CAST: variants seen among roughly 807,000 people sequenced by gnomAD.
The protein encoded by CAST is calpastatin.
Under a neutral mutation model 119.6 loss-of-function variants are expected in CAST, and 76 were observed. The ratio of observed to expected loss-of-function variants is 0.64; its 90% CI spans 0.53 to 0.77. The LOEUF is 0.77. Ranked by LOEUF, CAST falls within the 30% of genes least tolerant of loss-of-function variation. The probability of loss-of-function intolerance (pLI) is 0.00; values close to 1 mark genes in which losing one functional copy is unlikely to be tolerated. For missense variants in CAST, 953 were observed against 946.5 expected, an observed-to-expected ratio of 1.01 and a Z score of -0.09; for synonymous variants, 319 against 331.6, an observed-to-expected ratio of 0.96 and a Z score of 0.41.
At chr5:96,298,446 A>C in the CAST span, among the ~76,000 whole-genome samples, 2 of 152,348 alleles carry the variant, frequency 1.3e-5, no homozygotes, top group South Asian at 4.1e-4. Context: ...AGAATTCTGG[A>C]TGCAGAAAGG....
At chr5:96,278,036 A>G in the CAST span, among the ~76,000 whole-genome samples, 2 of 151,204 alleles carry the variant, frequency 1.3e-5, no homozygotes, top group African/African-American at 4.9e-5. Flanking sequence ...ATTAAAATAG[A>G]GTTTTTTTTT....
At chr5:96,765,370 T>C in intron 26 of CAST, 45 bp downstream of exon 26, 1 of 940,746 alleles carries the variant, frequency 1.1e-6, no homozygotes, top group Non-Finnish European at 1.7e-6. Context: ...AATAGTGAAA[T>C]TTTAATCCTT....
At chr5:96,511,434 AC>A in the CAST span, among the ~76,000 whole-genome samples, 48,441 of 151,936 alleles carry the variant, frequency 0.32, 8,073 homozygotes, top group Middle Eastern at 0.41. Flanking sequence ...GAGCCACTGC[AC>A]CCCATCCACA....
chr5:96,654,027 C>CTTT (rs71617134), intron 1 of CAST, among the ~76,000 whole-genome samples: 8 of 126,956 alleles, frequency 6.3e-5, no homozygotes, highest in African/African-American at 2.1e-4. Context: ...CTTTTCTTTT[C>CTTT]TTTTTTTTTT....
intron 4 of CAST, among the ~76,000 whole-genome samples, chr5:96,725,299 T>C (rs895349445): frequency 6.6e-6 from 1 of 152,196 alleles, no homozygotes; most frequent in South Asian, 2.1e-4. Flanking sequence ...GTGATAATAG[T>C]ACCTGCCTCA....
the CAST span, among the ~76,000 whole-genome samples, chr5:96,066,102 T>C: frequency 1.3e-5 from 2 of 152,192 alleles, no homozygotes; most frequent in Non-Finnish European, 2.9e-5. Flanking sequence ...AGAGAGAAGA[T>C]GAAAAACTGT....
intron 3 of CAST, among the ~76,000 whole-genome samples, chr5:96,711,800 AGTATCTTAGGACTGCT>A (rs1378144831): frequency 6.6e-6 from 1 of 152,228 alleles, no homozygotes; most frequent in Non-Finnish European, 1.5e-5. Flanking sequence ...TGTTATATGC[AGTATCTTAGGACTGCT>A]GAAATTCTAA....
At position 96,618,788 on chromosome 5, in the gene CAST, C is replaced by A. The variant is rs1009634460; in HGVS notation, c.61-56751C>A. Among the ~76,000 whole-genome samples the A allele has an allele frequency of 2.6e-5, 4 of 152,328 alleles. No homozygotes were observed. In the South Asian group the frequency reaches 8.3e-4, roughly 32 times the overall value. The stretch of plus-strand genomic sequence containing the variant: ...GGACCTGCAGTCCACCATGCCCGAG[C>A]CTCCCCCACCCCGTGGGCTCCCGGG... On this transcript the variant is annotated intron_variant, in intron 1 of 11. Coordinates refer to the CAST transcript ENST00000505143.
chr5:96,721,749 T>C (rs972650186), intron 3 of CAST, among the ~76,000 whole-genome samples: 6 of 152,200 alleles, frequency 3.9e-5, no homozygotes, highest in African/African-American at 1.4e-4. Flanking sequence ...TATTAACCAG[T>C]GTAATACAAG....
the CAST span, among the ~76,000 whole-genome samples, chr5:96,347,781 A>C: frequency 6.6e-6 from 1 of 152,198 alleles, no homozygotes; most frequent in Non-Finnish European, 1.5e-5. Flanking sequence ...TGGGAGCAAA[A>C]GTGAACTAAA....
At chr5:96,045,441 TTAA>T in the CAST span, among the ~76,000 whole-genome samples, 1 of 152,014 alleles carries the variant, frequency 6.6e-6, no homozygotes, top group Non-Finnish European at 1.5e-5. Flanking sequence ...CATGTTATAC[TTAA>T]TAAACTTTTT....
chr5:96,097,887 G>A, the CAST span, among the ~76,000 whole-genome samples: 1 of 142,818 alleles, frequency 7.0e-6, no homozygotes, highest in African/African-American at 3.0e-5. Context: ...TCTGTCTTTA[G>A]TCTTTAAGGA....
At chr5:96,089,969 A>C in the CAST span, among the ~76,000 whole-genome samples, 1 of 152,090 alleles carries the variant, frequency 6.6e-6, no homozygotes, top group African/African-American at 2.4e-5. Context: ...TTCCTCCCCC[A>C]CTAATTAGCT....
the CAST span, among the ~76,000 whole-genome samples, chr5:96,478,076 A>T: frequency 6.6e-6 from 1 of 152,198 alleles, no homozygotes; most frequent in Admixed American, 6.5e-5. Flanking sequence ...TAAAATCCTT[A>T]TATATCTTGC....
At chr5:96,516,604 A>G in the CAST span, among the ~76,000 whole-genome samples, 1 of 152,186 alleles carries the variant, frequency 6.6e-6, no homozygotes, top group Non-Finnish European at 1.5e-5. Flanking sequence ...TTAAAGAAGA[A>G]ATGCAATTAA....
At chr5:96,485,784 C>T in the CAST span, among the ~76,000 whole-genome samples, 1 of 152,096 alleles carries the variant, frequency 6.6e-6, no homozygotes, top group Admixed American at 6.6e-5. Flanking sequence ...AGCTTCACCC[C>T]AGTCAAAAGT....
chr5:96,730,931 C>A, intron 9 of CAST, 71 bp downstream of exon 9: 3 of 1,150,522 alleles, frequency 2.6e-6, no homozygotes, highest in Non-Finnish European at 2.6e-6. Flanking sequence ...GAAACGTATG[C>A]TCAAATAACC....
chr5:96,602,058 G>A (rs1747163982), intron 1 of CAST, among the ~76,000 whole-genome samples: 1 of 152,136 alleles, frequency 6.6e-6, no homozygotes, highest in African/African-American at 2.4e-5. Flanking sequence ...GACTAGACCT[G>A]ACTTACCCAC....
chr5:96,066,148 G>C, the CAST span, among the ~76,000 whole-genome samples: 1 of 152,178 alleles, frequency 6.6e-6, no homozygotes, highest in Non-Finnish European at 1.5e-5. Context: ...CATTAAAAGA[G>C]GTTTAAGTGT....
Sources: allele counts gnomAD v4.1 joint callset (sites outside exome capture counted in the v4.1 genomes callset), GRCh38; gene constraint gnomAD v4.1.1; transcripts MANE v1.5; gene names NCBI Gene and HGNC (gene_info 2026-07-23, HGNC 2026-07-21).